The following PSMD5 variants were observed in gnomAD, a reference collection of about 807,000 sequenced individuals.
The protein encoded by PSMD5 is 26S proteasome non-ATPase regulatory subunit 5.
PSMD5 carries 40 observed loss-of-function variants against 52.1 expected under a neutral mutation model. The ratio of observed to expected loss-of-function variants is 0.77; its 90% CI spans 0.60 to 1.00. PSMD5 has a LOEUF of 1.00. Among genes scored for constraint, PSMD5 ranks in the 50% least tolerant of loss-of-function variants. PSMD5 has a pLI of 0.00. For synonymous variants in PSMD5, 211 were observed against 226.6 expected, an observed-to-expected ratio of 0.93 and a Z score of 0.62; for missense variants, 575 against 605.2, an observed-to-expected ratio of 0.95 and a Z score of 0.52.
intron 1 of PSMD5, chr9:120,841,865 T>C (rs2045240883): frequency 6.6e-6 from 1 of 152,198 alleles, no homozygotes; most frequent in Non-Finnish European, 1.5e-5. Flanking sequence ...CTCTCTGACC[T>C]AGCCAGCGGC....
At chr9:120,829,051 C>T (rs756746521) in intron 5 of PSMD5, 48 bp downstream of exon 5, 5 of 1,491,844 alleles carry the variant, frequency 3.4e-6, no homozygotes, top group Non-Finnish European at 4.5e-6. Context: ...GGTTGTTTCC[C>T]AGCCCTTCAA....
In PSMD5 at chr9:120,824,635, T is replaced by G. The variant is rs35260594; in HGVS notation, c.865A>C (p.Ile289Leu). Residue 289 changes from isoleucine (I) to leucine (L), a missense_variant, in exon 7 of 10, where the codon ATC (isoleucine) becomes CTC (leucine). Physicochemically the swap from Ile to Leu is conservative, Grantham distance 5 (BLOSUM62 2). Coordinates refer to ENST00000210313, the MANE Select transcript of PSMD5 (RefSeq NM_005047.4). The part of the protein sequence containing the change: ...NLAVMDSPQQ[I>L]CERYPIFVEK... ...ACAAAGATAGGATAACGCTCACAGA[T>G]CTGTTGAGGACTATCCATGACAGCC... is the stretch of plus-strand genomic sequence containing the variant. 5,879 of 1,614,152 alleles carry G rather than the reference T, an allele frequency of 3.6e-3. 11 individuals carry two copies. The highest frequency in any genetic ancestry group is 4.3e-3 in the Non-Finnish European group (5,113 of 1,180,018).
At chr9:120,818,673 T>C (rs2045062088) in intron 9 of PSMD5, among the ~76,000 whole-genome samples, 1 of 151,936 alleles carries the variant, frequency 6.6e-6, no homozygotes, top group South Asian at 2.1e-4. Context: ...GAGAATGATA[T>C]ATTGTGGCTA....
intron 7 of PSMD5, among the ~76,000 whole-genome samples, chr9:120,822,533 TTTTC>T (rs2045092709): frequency 6.6e-6 from 1 of 152,148 alleles, no homozygotes; most frequent in Non-Finnish European, 1.5e-5. Flanking sequence ...AATTTTCTTT[TTTTC>T]TTTTTCTATT....
intron 6 of PSMD5, 148 bp downstream of exon 6, chr9:120,826,617 A>C: frequency 9.9e-7 from 1 of 1,010,602 alleles, no homozygotes; most frequent in Non-Finnish European, 1.4e-6. Flanking sequence ...GTTGCTCTAG[A>C]TATCTTCTAA....
chr9:120,829,295 C>G (rs2045144691), intron 4 of PSMD5, 87 bp from the exon 5 acceptor site: 24 of 1,319,044 alleles, frequency 1.8e-5, no homozygotes, highest in African/African-American at 3.0e-5. Flanking sequence ...AAATGTAGGA[C>G]TAGGTACTTT....
chr9:120,839,317 G>C (rs2045217823), intron 1 of PSMD5, among the ~76,000 whole-genome samples: 1 of 152,158 alleles, frequency 6.6e-6, no homozygotes, highest in Admixed American at 6.5e-5. Flanking sequence ...ACAGGCAATG[G>C]GAAACCACGG....
chr9:120,841,618 G>A (rs1447943746), intron 1 of PSMD5, among the ~76,000 whole-genome samples: 1 of 139,452 alleles, frequency 7.2e-6, no homozygotes, highest in East Asian at 2.0e-4. Flanking sequence ...ACAAAACACA[G>A]AGATCTTTCC....
At chr9:120,821,583 G>T in intron 7 of PSMD5, 119 bp from the exon 8 acceptor site, 1 of 566,454 alleles carries the variant, frequency 1.8e-6, no homozygotes, top group Non-Finnish European at 2.9e-6. Context: ...TCACACTGTT[G>T]GGCAACCATC....
In PSMD5 at chr9:120,820,927, G is replaced by A. The variant is rs772887381; in HGVS notation, c.1169C>T (p.Ser390Phe). 1 of 1,608,306 alleles carries A rather than the reference G, an allele frequency of 6.2e-7. No homozygotes were observed. The highest frequency in any genetic ancestry group is 8.5e-7 in the Non-Finnish European group (1 of 1,178,584). The change falls in exon 9 of 10, where the codon TCT (serine) becomes TTT (phenylalanine). Residue 390 changes from serine to phenylalanine, a missense_variant. Coordinates refer to ENST00000210313, the MANE Select transcript of PSMD5 (RefSeq NM_005047.4). ...GAGCTCCAGTGGATCCCGAGATAAA[G>A]AAGAAAACCAGGATTCTGTCATCCT... The part of the protein sequence containing the change: ...LLRMTESWFS[S>F]LSRDPLELFR...
intron 9 of PSMD5, among the ~76,000 whole-genome samples, chr9:120,818,743 G>A (rs1301265916): frequency 2.0e-5 from 3 of 147,922 alleles, no homozygotes; most frequent in Non-Finnish European, 4.5e-5. Context: ...TTAAAAAAAC[G>A]TAACATTGAA....
rs2045050440 is a variant in PSMD5 at position 120,817,387 on chromosome 9, C to T, written c.*519G>A. 1.3e-5 allele frequency: 2 copies of T among 152,808 alleles called. No individual in the cohort carries two copies. Among genetic ancestry groups the T allele is most frequent in the African/African-American group, 4.8e-5 (2 of 41,444 alleles). The allele number at this position is 152,808 out of a possible 1,614,324, so 9.5% of individuals were successfully genotyped here. A position where few individuals can be genotyped will look rare whatever the true frequency, so the allele number is the denominator to read the frequency against. On this transcript the variant is annotated 3_prime_UTR_variant, in exon 10 of 10. Coordinates refer to ENST00000210313, the MANE Select transcript of PSMD5 (RefSeq NM_005047.4). ...CCAGGCTCAAGCGATTCTCGTGCCTCAGCCTCCTGAGTAGCTGAGATTATA... is the reference window on the plus strand; with the variant it reads ...CCAGGCTCAAGCGATTCTCGTGCCTTAGCCTCCTGAGTAGCTGAGATTATA...
At chr9:120,834,115 G>C (rs896963059) in intron 1 of PSMD5, among the ~76,000 whole-genome samples, 2 of 151,800 alleles carry the variant, frequency 1.3e-5, no homozygotes, top group African/African-American at 4.8e-5. Context: ...GAGTAGCTGG[G>C]ACTACAGGTG....
intron 5 of PSMD5, among the ~76,000 whole-genome samples, chr9:120,827,237 A>T (rs1305478689): frequency 6.6e-6 from 1 of 152,248 alleles, no homozygotes; most frequent in Non-Finnish European, 1.5e-5. Context: ...AGTAATGAGA[A>T]TACAATAAGC....
At chr9:120,830,235 T>C (rs2045150499) in intron 4 of PSMD5, among the ~76,000 whole-genome samples, 2 of 152,234 alleles carry the variant, frequency 1.3e-5, no homozygotes, top group South Asian at 4.1e-4. Flanking sequence ...GTTTGTTGTC[T>C]TATTTTTTAT....
chr9:120,833,672 C>CTTTTTTTT (rs71385094), intron 1 of PSMD5, among the ~76,000 whole-genome samples: 11 of 85,624 alleles, frequency 1.3e-4, no homozygotes, highest in East Asian at 3.4e-4. Flanking sequence ...CTCTAGTCTT[C>CTTTTTTTT]TTTTTTTTTT....
intron 9 of PSMD5, among the ~76,000 whole-genome samples, chr9:120,818,747 C>T (rs1034179098): frequency 6.1e-5 from 9 of 146,362 alleles, no homozygotes; most frequent in African/African-American, 2.3e-4. Flanking sequence ...AAAAACGTAA[C>T]ATTGAAGAGA....
At chr9:120,838,621 TA>T (rs769608492) in intron 1 of PSMD5, among the ~76,000 whole-genome samples, 15 of 152,214 alleles carry the variant, frequency 9.9e-5, no homozygotes, top group Non-Finnish European at 1.5e-4. Context: ...AGTTCTGAAT[TA>T]TTCTGTCTTT....
At position 120,817,736 on chromosome 9, in the gene PSMD5, A is replaced by G; in HGVS notation, c.*170T>C. The G allele has an allele frequency of 1.3e-6, 1 of 766,380 alleles. No individual in the cohort carries two copies. Among genetic ancestry groups the G allele is most frequent in the South Asian group, 2.0e-5 (1 of 48,876 alleles). The allele number at this position is 766,380 out of a possible 1,614,324, so 47.5% of individuals were successfully genotyped here. On this transcript the variant is annotated 3_prime_UTR_variant, in exon 10 of 10. Coordinates refer to ENST00000210313, the MANE Select transcript of PSMD5 (RefSeq NM_005047.4). ...TAATGCATTCCAAACTCCTAGTTCC[A>G]CTTTGCATTTCAATGTAGAAATATA...
Sources: gnomAD v4.1 joint callset for allele counts (sites outside exome capture counted in the v4.1 genomes callset) on GRCh38, gnomAD v4.1.1 for gene constraint, MANE v1.5 for transcripts, NCBI Gene and HGNC (gene_info 2026-07-23, HGNC 2026-07-21) for gene names.